CCDC171: variants seen among roughly 807,000 people sequenced by gnomAD.
CCDC171 encodes the protein coiled-coil domain-containing protein 171.
In CCDC171, 177 loss-of-function variants were observed where a neutral mutation model predicts 168.2. The ratio of observed to expected loss-of-function variants is 1.05; its 90% CI spans 0.93 to 1.19. The LOEUF (loss-of-function observed/expected upper bound fraction) is 1.19, where lower values mean the gene tolerates loss of function less well. Ranked by LOEUF, CCDC171 falls within the 50% of genes most tolerant of loss-of-function variation. CCDC171 has a pLI of 0.00. For synonymous variants in CCDC171, 687 were observed against 540.8 expected (o/e 1.27, Z -3.75); for missense variants, 1,991 against 1,539.0 (o/e 1.29, Z -4.91).
At chr9:16,043,342 T>A (rs1833603158) in intron 1 of CCDC171, among the ~76,000 whole-genome samples, 1 of 152,226 alleles carries the variant, frequency 6.6e-6, no homozygotes, top group Admixed American at 6.5e-5. Context: ...TGTTAATTTA[T>A]TATGACTATC....
chr9:15,805,303 C>G (rs983110366), intron 21 of CCDC171, among the ~76,000 whole-genome samples: 1 of 152,034 alleles, frequency 6.6e-6, no homozygotes, highest in Non-Finnish European at 1.5e-5. Context: ...TTTGTTTACT[C>G]TTGGTTCTCA....
At chr9:15,778,808 A>G (rs546163474) in intron 19 of CCDC171, among the ~76,000 whole-genome samples, 160 bp from the exon 20 acceptor site, 1 of 152,282 alleles carries the variant, frequency 6.6e-6, no homozygotes, top group African/African-American at 2.4e-5. Context: ...AAGCCAAATT[A>G]TTGGTCACAT....
At chr9:15,615,521 T>C (rs2044015259) in intron 6 of CCDC171, among the ~76,000 whole-genome samples, 1 of 152,214 alleles carries the variant, frequency 6.6e-6, no homozygotes. Flanking sequence ...TGAAATACTC[T>C]TAAATAAAAG....
chr9:15,852,651 C>A (rs531608049), intron 23 of CCDC171, among the ~76,000 whole-genome samples: 2 of 151,666 alleles, frequency 1.3e-5, no homozygotes, highest in African/African-American at 4.8e-5. Flanking sequence ...TAATCCATGT[C>A]CAAATGCAAA....
chr9:15,985,812 C>A (rs1391612904), intron 3 of CCDC171, among the ~76,000 whole-genome samples: 2 of 152,026 alleles, frequency 1.3e-5, no homozygotes, highest in African/African-American at 2.4e-5. Context: ...AATATGAGTC[C>A]CTTTGACAGA....
At chr9:15,754,635 G>T (rs1341493848) in intron 18 of CCDC171, among the ~76,000 whole-genome samples, 1 of 152,102 alleles carries the variant, frequency 6.6e-6, no homozygotes, top group African/African-American at 2.4e-5. Flanking sequence ...GGTTAAGCAG[G>T]AATTCTGCCT....
intron 1 of CCDC171, among the ~76,000 whole-genome samples, chr9:16,051,073 T>C (rs1586862537): frequency 6.6e-6 from 1 of 152,246 alleles, no homozygotes; most frequent in Non-Finnish European, 1.5e-5. Context: ...AAGTGGCCTA[T>C]GCAGTGTTTA....
intron 6 of CCDC171, among the ~76,000 whole-genome samples, chr9:15,601,219 G>T (rs1158810388): frequency 6.6e-6 from 1 of 152,168 alleles, no homozygotes; most frequent in African/African-American, 2.4e-5. Flanking sequence ...TTCGTCTTTT[G>T]CATCGCTCTT....
chr9:15,576,433 C>T (rs531875593), intron 3 of CCDC171, among the ~76,000 whole-genome samples: 114 of 152,080 alleles, frequency 7.5e-4, no homozygotes, highest in Non-Finnish European at 1.4e-3. Flanking sequence ...AGCAACCCTC[C>T]CTCATCAGCC....
At chr9:15,747,157 C>T (rs980283923) in intron 18 of CCDC171, among the ~76,000 whole-genome samples, 1 of 152,178 alleles carries the variant, frequency 6.6e-6, no homozygotes, top group Non-Finnish European at 1.5e-5. Flanking sequence ...TCAAACTGGG[C>T]GGAGCCTACC....
At chr9:16,032,442 G>C (rs917693042) in intron 6 of CCDC171, among the ~76,000 whole-genome samples, 1 of 152,090 alleles carries the variant, frequency 6.6e-6, no homozygotes, top group African/African-American at 2.4e-5. Flanking sequence ...TGCACGAGAC[G>C]CCAAGAAGAG....
chr9:15,899,133 G>T (rs1048978731), intron 24 of CCDC171, among the ~76,000 whole-genome samples: 3 of 152,068 alleles, frequency 2.0e-5, no homozygotes, highest in Non-Finnish European at 4.4e-5. Flanking sequence ...CCAAGTTTTT[G>T]CATATATCAA....
intron 5 of CCDC171, among the ~76,000 whole-genome samples, chr9:15,593,021 C>T (rs1279737304): frequency 1.3e-5 from 2 of 151,928 alleles, no homozygotes; most frequent in African/African-American, 2.4e-5. Flanking sequence ...TATCCCTCCC[C>T]ACTCCCCCAC....
chr9:15,729,569 T>G (rs1424562624), intron 15 of CCDC171, 41 bp from the exon 16 acceptor site: 2 of 1,350,824 alleles, frequency 1.5e-6, no homozygotes, highest in Non-Finnish European at 1.0e-6. Flanking sequence ...AAGAAATAGC[T>G]TGTGAGCATA....
chr9:15,648,235 A>T (rs528614574), intron 7 of CCDC171, among the ~76,000 whole-genome samples: 88 of 152,340 alleles, frequency 5.8e-4, no homozygotes, highest in African/African-American at 2.0e-3. Context: ...TTAGGTATTG[A>T]TGGGACGTAT....
rs182937689 is a variant in CCDC171 at position 16,030,770 on chromosome 9, C to T, written n.999-4687C>T. ...TGGTTTGTGGTGGCGGCTCACCACG[C>T]TGGCCAGGAGCTTGCCTCTCCTACC... is the stretch of plus-strand genomic sequence containing the variant. On this transcript the variant is annotated intron_variant and non_coding_transcript_variant, in intron 6 of 9. Transcript: ENST00000486641. 1.4e-3 allele frequency among the ~76,000 whole-genome samples: 213 copies of T among 152,296 alleles called. 1 individual carries two copies. The highest frequency in any genetic ancestry group is 5.0e-3 in the African/African-American group (207 of 41,562).
chr9:15,890,621 C>T (rs1186678913), intron 24 of CCDC171, among the ~76,000 whole-genome samples: 3 of 144,688 alleles, frequency 2.1e-5, no homozygotes, highest in African/African-American at 8.0e-5. Flanking sequence ...TTATTTATTC[C>T]TTCACAATGT....
intron 25 of CCDC171, among the ~76,000 whole-genome samples, chr9:15,937,434 A>G (rs1827236510): frequency 6.6e-6 from 1 of 152,012 alleles, no homozygotes; most frequent in Non-Finnish European, 1.5e-5. Flanking sequence ...AAGTTGTAAT[A>G]ATTAGATGAT....
chr9:15,812,493 C>A (rs971381058), intron 21 of CCDC171, among the ~76,000 whole-genome samples: 1 of 152,042 alleles, frequency 6.6e-6, no homozygotes, highest in African/African-American at 2.4e-5. Context: ...GTCTTTTAAC[C>A]TTAAACAAAA....
Sources: gnomAD v4.1 joint callset for allele counts (sites outside exome capture counted in the v4.1 genomes callset) on GRCh38, gnomAD v4.1.1 for gene constraint, MANE v1.5 for transcripts, NCBI Gene and HGNC (gene_info 2026-07-23, HGNC 2026-07-21) for gene names.